The following LONRF1 variants were observed in gnomAD, a reference collection of about 807,000 sequenced individuals.
The protein encoded by LONRF1 is LON peptidase N-terminal domain and ring finger 1.
In LONRF1, 37 loss-of-function variants were observed where a neutral mutation model predicts 85.8. The ratio of observed to expected loss-of-function variants is 0.43; its 90% CI spans 0.33 to 0.57. The LOEUF is 0.57. Among genes scored for constraint, LONRF1 ranks in the 20% least tolerant of loss-of-function variants. The pLI is 0.04. For missense variants in LONRF1, 1,036 were observed against 978.0 expected (o/e 1.06, Z -0.79); for synonymous variants, 517 against 390.1 (o/e 1.33, Z -3.83).
rs1798788860 is a variant in LONRF1, at chr8:12,738,031, T to C, written c.1077A>G (p.Glu359=). 1.2e-6 allele frequency: 2 copies of C among 1,610,742 alleles called. No individual in the cohort carries two copies. The highest frequency in any genetic ancestry group is 1.7e-5 in the Admixed American group (1 of 59,688). The part of the protein sequence containing the change: ...NRPFDFHSVM[E]ESQSLNEPSP... Reference sequence around the variant, plus strand: ...TAGGTTCATTGAGAGACTGAGACTCTTCCATCACTGAATGAAAATCAAAAG... The same window carrying C: ...TAGGTTCATTGAGAGACTGAGACTCCTCCATCACTGAATGAAAATCAAAAG... The change falls in exon 4 of 12, where the codon GAA becomes GAG. Residue 359 remains glutamate, a synonymous_variant. Coordinates refer to ENST00000398246, the MANE Select transcript of LONRF1 (RefSeq NM_152271.5).
chr8:12,723,441 G>A (rs1806005460), intron 11 of LONRF1, among the ~76,000 whole-genome samples, 187 bp from the exon 12 acceptor site: 1 of 152,186 alleles, frequency 6.6e-6, no homozygotes, highest in African/African-American at 2.4e-5. Flanking sequence ...AATGCAAATT[G>A]TCCAAGATCT....
At chr8:12,723,362 G>C (rs1295864865) in intron 11 of LONRF1, 108 bp from the exon 12 acceptor site, 50 of 975,546 alleles carry the variant, frequency 5.1e-5, no homozygotes, top group Non-Finnish European at 5.6e-5. Flanking sequence ...CTATGTGCCA[G>C]GTGCTATCTC....
At chr8:12,751,839 G>T (rs759752009) in intron 1 of LONRF1, among the ~76,000 whole-genome samples, 1 of 152,058 alleles carries the variant, frequency 6.6e-6, no homozygotes, top group Non-Finnish European at 1.5e-5. Flanking sequence ...GATCATTTCA[G>T]TAGGCTCAAG....
intron 8 of LONRF1, 34 bp from the exon 9 acceptor site, chr8:12,729,366 T>C (rs756824589): frequency 6.2e-7 from 1 of 1,601,018 alleles, no homozygotes; most frequent in African/African-American, 1.3e-5. Context: ...TTAGAATTCA[T>C]ACAAGAAAAA....
In LONRF1 at chr8:12,737,030, T is replaced by A. The variant is rs764316870; in HGVS notation, c.1224A>T (p.Leu408Phe). 1.2e-6 allele frequency: 2 copies of A among 1,613,724 alleles called. No individual in the cohort carries two copies. Among genetic ancestry groups the A allele is most frequent in the South Asian group, 2.2e-5 (2 of 91,080 alleles). Residue 408 changes from leucine (L) to phenylalanine (F), a missense_variant, in exon 5 of 12, where the codon TTA (leucine) becomes TTT (phenylalanine). By Grantham distance (22) the Leu-to-Phe change is conservative (BLOSUM62 0). Transcript: ENST00000398246. The part of the protein sequence containing the change: ...STEMPAREDC[L>F]KRVSSEPVLS... ...GAACAGGTTCTGAGGACACTCTTTT[T>A]AAACAGTCCTCTCTGGCAGGCATTT...
intron 2 of LONRF1, 48 bp downstream of exon 2, chr8:12,743,116 T>C (rs1799004952): frequency 8.2e-7 from 1 of 1,226,864 alleles, no homozygotes; most frequent in Non-Finnish European, 1.2e-6. Context: ...GCATGTCCCT[T>C]ATAGTTAAAA....
Position 12,725,842 on chromosome 8 carries a change from A to G in LONRF1, c.2048T>C (p.Leu683Pro). The change falls in exon 11 of 12, where the codon CTT becomes CCT. Residue 683 changes from leucine (L) to proline (P), a missense_variant. Around this residue, in one of 3 missense-constraint regions of LONRF1, gnomAD observed 265 missense variants for 301.5 expected, o/e 0.88. Transcript: ENST00000398246. ...GGCTTGAGAGTAAACCAAATCATGA[A>G]GCTCTCTGAGATTCTTAATCTCATC... ...NEDEIKNLRE[L>P]HDLVYSQACS... The G allele has an allele frequency of 1.2e-6, 2 of 1,613,208 alleles. No individual in the cohort carries two copies. The highest frequency in any genetic ancestry group is 1.7e-6 in the Non-Finnish European group (2 of 1,179,546).
At chr8:12,731,712 T>C (rs1798536161) in intron 8 of LONRF1, 24 bp downstream of exon 8, 1 of 1,566,666 alleles carries the variant, frequency 6.4e-7, no homozygotes, top group Non-Finnish European at 8.7e-7. Context: ...TAGTTCATAA[T>C]TTTTTTTATG....
At chr8:12,727,701 A>C (rs1437167349) in intron 10 of LONRF1, among the ~76,000 whole-genome samples, 3 of 152,222 alleles carry the variant, frequency 2.0e-5, no homozygotes, top group African/African-American at 7.2e-5. Context: ...TTAACTTTAC[A>C]AAGAAGAACC....
chr8:12,726,922 T>TC (rs1471736944), intron 10 of LONRF1, among the ~76,000 whole-genome samples: 1 of 152,154 alleles, frequency 6.6e-6, no homozygotes, highest in East Asian at 1.9e-4. Context: ...TGAATGTACT[T>TC]AATGCCACTG....
chr8:12,738,511 C>T (rs1323910996), intron 3 of LONRF1: 1 of 154,496 alleles, frequency 6.5e-6, no homozygotes, highest in African/African-American at 2.4e-5. Context: ...CATGGTTCAC[C>T]TCAATGTATA....
intron 3 of LONRF1, among the ~76,000 whole-genome samples, chr8:12,740,054 T>C (rs116449918): frequency 4.6e-4 from 70 of 152,254 alleles, no homozygotes; most frequent in African/African-American, 1.3e-3. Flanking sequence ...CAAAGACTTG[T>C]AGTTGGTGGG....
chr8:12,751,737 T>G (rs993371839), intron 1 of LONRF1, among the ~76,000 whole-genome samples: 2 of 151,912 alleles, frequency 1.3e-5, no homozygotes, highest in African/African-American at 4.8e-5. Flanking sequence ...ACTGTTCTGT[T>G]GTCTTCCTCT....
rs1799560883 is a variant in LONRF1, at chr8:12,754,710, C to A, written c.711G>T (p.Ala237=). 4 of 1,381,360 alleles carry A rather than the reference C, an allele frequency of 2.9e-6. No homozygotes were observed. The highest frequency in any genetic ancestry group is 3.7e-6 in the Non-Finnish European group (4 of 1,077,622). 85.6% of individuals were successfully genotyped at this position (1,381,360 alleles called of 1,614,324 possible). A position where few individuals can be genotyped will look rare whatever the true frequency, so the allele number is the denominator to read the frequency against. Residue 237 remains alanine (A), a synonymous_variant, in exon 1 of 12, where the codon GCG becomes GCT. Transcript: ENST00000398246. Reference sequence around the variant, plus strand: ...TCCCCGCGCGGTCACCTGCTCGCAGCGCCTCGCAGGCGGCGGCCAGGGCCT... The same window carrying A: ...TCCCCGCGCGGTCACCTGCTCGCAGAGCCTCGCAGGCGGCGGCCAGGGCCT... ...YREALAAACE[A]LRAEPSDLIV... is the part of the protein sequence containing the mutation.
intron 3 of LONRF1, 98 bp from the exon 4 acceptor site, chr8:12,738,242 TAGC>T: frequency 1.2e-6 from 1 of 829,976 alleles, no homozygotes; most frequent in African/African-American, 1.8e-5. Flanking sequence ...AGAAAGTTTG[TAGC>T]AGACATTTTT....
rs761890367 is a variant in LONRF1 at position 12,729,323 on chromosome 8, C to A, written c.1698G>T (p.Lys566Asn). The change falls in exon 9 of 12, where the codon AAG becomes AAT. Residue 566 changes from lysine (K) to asparagine (N), a missense_variant. By Grantham distance (94) the Lys-to-Asn change is moderately conservative. This residue lies in a region of LONRF1 where 265 missense variants were observed against 301.5 expected (regional missense o/e 0.88). Coordinates refer to ENST00000398246, the MANE Select transcript of LONRF1 (RefSeq NM_152271.5). ...TAGTGCAAACAAATATTGGAACATT[C>A]TTGGTCAAGCTAAGGGAAAAACAGT... ...EETAELSHLT[K>N]NVPIFVCTMA... 6.2e-7 allele frequency: 1 copy of A among 1,613,296 alleles called. No homozygotes were observed. The highest frequency in any genetic ancestry group is 2.2e-5 in the East Asian group (1 of 44,864).
At chr8:12,742,010 T>A (rs1432406657) in intron 2 of LONRF1, among the ~76,000 whole-genome samples, 2 of 152,218 alleles carry the variant, frequency 1.3e-5, no homozygotes, top group Non-Finnish European at 2.9e-5. Context: ...TTAAATAATA[T>A]CAGAGGAGCC....
chr8:12,751,250 T>A (rs541238939), intron 1 of LONRF1, among the ~76,000 whole-genome samples: 2 of 151,490 alleles, frequency 1.3e-5, no homozygotes, highest in Non-Finnish European at 2.9e-5. Context: ...ATATAAATAA[T>A]GTAAAAATAC....
chr8:12,730,463 A>C (rs984941603), intron 8 of LONRF1, among the ~76,000 whole-genome samples: 5 of 152,170 alleles, frequency 3.3e-5, no homozygotes, highest in African/African-American at 1.2e-4. Context: ...AAGGTGAAAC[A>C]TGTTTAAAAT....
Sources: allele counts gnomAD v4.1 joint callset (sites outside exome capture counted in the v4.1 genomes callset), GRCh38; gene constraint gnomAD v4.1.1; regional missense constraint gnomAD v4.1.1; transcripts MANE v1.5; gene names NCBI Gene and HGNC (gene_info 2026-07-23, HGNC 2026-07-21).